The following FHIT variants were observed in gnomAD, a reference collection of about 807,000 sequenced individuals.
FHIT encodes the protein fragile histidine triad diadenosine triphosphatase.
FHIT carries 19 observed loss-of-function variants against 17.9 expected under a neutral mutation model. The observed-to-expected ratio is 1.06, with a 90% CI of 0.74 to 1.56. The LOEUF (loss-of-function observed/expected upper bound fraction) is 1.56. Ranked by LOEUF, FHIT falls within the 40% of genes most tolerant of loss-of-function variation. The pLI, the probability that FHIT is intolerant of heterozygous loss-of-function variation, is 0.00. For missense variants in FHIT, 248 were observed against 189.2 expected, an observed-to-expected ratio of 1.31 and a Z score of -1.82; for synonymous variants, 81 against 69.7, an observed-to-expected ratio of 1.16 and a Z score of -0.81.
chr3:61,223,275 T>C (rs778869531), intron 1 of FHIT, among the ~76,000 whole-genome samples: 1 of 151,952 alleles, frequency 6.6e-6, no homozygotes, highest in African/African-American at 2.4e-5. Context: ...CAGAACAGAG[T>C]TGACCTCTTG....
chr3:60,403,558 A>G (rs185210248), intron 5 of FHIT, among the ~76,000 whole-genome samples: 14 of 152,298 alleles, frequency 9.2e-5, no homozygotes, highest in Admixed American at 2.0e-4. Flanking sequence ...ACCTTCCTGC[A>G]TAATAACTGG....
At chr3:59,839,246 A>C (rs1311026598) in intron 8 of FHIT, among the ~76,000 whole-genome samples, 4 of 151,400 alleles carry the variant, frequency 2.6e-5, no homozygotes, top group Admixed American at 6.6e-5. Flanking sequence ...TGAACCCGGG[A>C]TGCAGAGGTT....
intron 8 of FHIT, among the ~76,000 whole-genome samples, chr3:59,754,177 G>A (rs6803318): frequency 0.051 from 7,735 of 151,182 alleles, 266 homozygotes; most frequent in South Asian, 0.2. Flanking sequence ...CCATAGCCTC[G>A]CACTCCCGCT....
intron 5 of FHIT, among the ~76,000 whole-genome samples, chr3:60,281,317 C>G (rs1449145070): frequency 6.6e-6 from 1 of 152,222 alleles, no homozygotes; most frequent in African/African-American, 2.4e-5. Context: ...GAAAGTTATT[C>G]TGTGAATATC....
chr3:60,580,988 C>T (rs1417078876), intron 4 of FHIT, among the ~76,000 whole-genome samples: 1 of 152,066 alleles, frequency 6.6e-6, no homozygotes, highest in Admixed American at 6.6e-5. Context: ...AAGTCTGGGG[C>T]GGTGGCTGAG....
At chr3:60,054,586 C>T (rs113298564) in intron 5 of FHIT, among the ~76,000 whole-genome samples, 2,338 of 152,242 alleles carry the variant, frequency 0.015, 27 homozygotes, top group Non-Finnish European at 0.022. Flanking sequence ...TTAACAGCAG[C>T]GCATTATTTT....
intron 2 of FHIT, among the ~76,000 whole-genome samples, chr3:61,163,447 G>C (rs75488813): frequency 0.046 from 6,948 of 152,196 alleles, 511 homozygotes; most frequent in East Asian, 0.27. Flanking sequence ...TGTTGTGATG[G>C]GGTTCTTGAC....
At chr3:61,074,664 T>G (rs137874745) in intron 2 of FHIT, among the ~76,000 whole-genome samples, 44 of 152,262 alleles carry the variant, frequency 2.9e-4, no homozygotes, top group African/African-American at 1.0e-3. Flanking sequence ...TGAGGCCTAA[T>G]GTCAATTACC....
chr3:60,055,626 G>A (rs1236435391), intron 5 of FHIT, among the ~76,000 whole-genome samples: 2 of 152,058 alleles, frequency 1.3e-5, no homozygotes, highest in Non-Finnish European at 2.9e-5. Flanking sequence ...CTGGCCACGT[G>A]GCAACCAGTG....
chr3:61,228,632 G>A (rs1219535298), intron 1 of FHIT, among the ~76,000 whole-genome samples: 1 of 152,084 alleles, frequency 6.6e-6, no homozygotes, highest in South Asian at 2.1e-4. Flanking sequence ...AGAAGGTAGG[G>A]GTGAAATTTT....
intron 4 of FHIT, among the ~76,000 whole-genome samples, chr3:60,781,640 T>C (rs2108096596): frequency 6.6e-6 from 1 of 152,290 alleles, no homozygotes; most frequent in Middle Eastern, 3.4e-3. Flanking sequence ...ATCCTATTGC[T>C]AGCTCTCTCT....
At chr3:60,603,689 G>A (rs2038516506) in intron 4 of FHIT, among the ~76,000 whole-genome samples, 1 of 151,868 alleles carries the variant, frequency 6.6e-6, no homozygotes, top group Non-Finnish European at 1.5e-5. Flanking sequence ...CTTTCAATGA[G>A]CAACATCATA....
intron 3 of FHIT, among the ~76,000 whole-genome samples, chr3:60,910,345 G>C (rs528519172): frequency 3.9e-5 from 6 of 152,100 alleles, no homozygotes; most frequent in South Asian, 4.2e-4. Flanking sequence ...GGACTGTGAG[G>C]GGGGTGAGAG....
intron 8 of FHIT, among the ~76,000 whole-genome samples, chr3:59,772,338 C>T (rs1476278067): frequency 6.6e-6 from 1 of 152,262 alleles, no homozygotes; most frequent in Admixed American, 6.5e-5. Context: ...CGGTTTGCCT[C>T]ACCTTTTCTG....
intron 7 of FHIT, among the ~76,000 whole-genome samples, chr3:59,951,332 G>A (rs982299160): frequency 3.3e-5 from 5 of 152,140 alleles, no homozygotes; most frequent in African/African-American, 1.2e-4. Flanking sequence ...AGCCATTGCT[G>A]TTGACTGGGA....
intron 8 of FHIT, among the ~76,000 whole-genome samples, chr3:59,756,902 T>A (rs1701247233): frequency 6.6e-6 from 1 of 152,212 alleles, no homozygotes; most frequent in African/African-American, 2.4e-5. Flanking sequence ...TATTTTAACA[T>A]CTTTGAAATC....
intron 1 of FHIT, among the ~76,000 whole-genome samples, chr3:61,238,629 G>C (rs1048266332): frequency 3.9e-5 from 6 of 152,166 alleles, no homozygotes; most frequent in Non-Finnish European, 7.3e-5. Context: ...CCCACACCAA[G>C]TCATTTTTCC....
intron 8 of FHIT, among the ~76,000 whole-genome samples, chr3:59,801,451 T>A (rs1699989269): frequency 6.6e-6 from 1 of 152,136 alleles, no homozygotes; most frequent in Non-Finnish European, 1.5e-5. Context: ...TAATTCTGGG[T>A]GATGAGAACG....
chr3:61,032,873 G>A (rs1342495509), intron 3 of FHIT, among the ~76,000 whole-genome samples: 1 of 152,204 alleles, frequency 6.6e-6, no homozygotes, highest in Admixed American at 6.5e-5. Context: ...CAGGAAAGCA[G>A]GAGGTATAGT....
Sources: gnomAD v4.1 joint callset for allele counts (sites outside exome capture counted in the v4.1 genomes callset) on GRCh38, gnomAD v4.1.1 for gene constraint, MANE v1.5 for transcripts, NCBI Gene and HGNC (gene_info 2026-07-23, HGNC 2026-07-21) for gene names.